NCOR1: variants seen among roughly 807,000 people sequenced by gnomAD.
NCOR1 encodes the protein protein phosphatase 1, regulatory subunit 109.
Under a neutral mutation model 288.1 loss-of-function variants are expected in NCOR1, and 63 were observed. That is an observed-to-expected ratio of 0.22 (90% confidence interval 0.18 to 0.27). The LOEUF (loss-of-function observed/expected upper bound fraction) is 0.27. Ranked by LOEUF, NCOR1 falls within the 10% of genes least tolerant of loss-of-function variation. The pLI, the probability that NCOR1 is intolerant of heterozygous loss-of-function variation, is 1.00. For synonymous variants in NCOR1, 1,007 were observed against 1,065.9 expected, an observed-to-expected ratio of 0.94 and a Z score of 1.08; for missense variants, 2,397 against 3,019.2, an observed-to-expected ratio of 0.79 and a Z score of 4.83.
chr17:16,195,407 G>C (rs950360339), intron 1 of NCOR1, among the ~76,000 whole-genome samples: 17 of 152,172 alleles, frequency 1.1e-4, no homozygotes, highest in African/African-American at 3.9e-4. Flanking sequence ...GAAGGCGGAG[G>C]TTGCAGTGAG....
rs771119636 is a variant in NCOR1, at chr17:16,073,555, G to A, written c.3685C>T (p.Arg1229Ter). The A allele has an allele frequency of 1.2e-6, 2 of 1,605,592 alleles. No individual in the cohort carries two copies. The highest frequency in any genetic ancestry group is 1.7e-6 in the Non-Finnish European group (2 of 1,176,250). The part of the protein sequence containing the change: ...ILSYDNIKNA[R>*]EGTRSPRTAH... ...GTTCTTGGACTCCTAGTCCCTTCTCGGGCATTCTTAATATCTACAGAATAC... is the reference window on the plus strand; with the variant it reads ...GTTCTTGGACTCCTAGTCCCTTCTCAGGCATTCTTAATATCTACAGAATAC... The change falls in exon 28 of 46, where the codon CGA becomes TGA. Residue 1229 changes from arginine to a stop codon, truncating the protein, a stop_gained. Coordinates refer to ENST00000268712, the MANE Select transcript of NCOR1 (RefSeq NM_006311.4). LOFTEE classifies it high-confidence loss of function.
chr17:16,082,651 T>C (rs1428641446), intron 23 of NCOR1, among the ~76,000 whole-genome samples: 2 of 151,562 alleles, frequency 1.3e-5, no homozygotes, highest in East Asian at 1.9e-4. Context: ...CCCAGGAGAC[T>C]GATGCTACAG....
chr17:16,067,896 G>A lies in NCOR1; in HGVS notation c.4739C>T (p.Pro1580Leu). The part of the protein sequence containing the change: ...PAMPFHRALD[P>L]AAAAYLFQRQ... ...TTATCACTATATTTTGTGTTTACCA[G>A]GATCCAAAGCCCTGTGAAAAGGCAT... The change falls in exon 32 of 46, where the codon CCT (proline) becomes CTT (leucine). Residue 1580 changes from proline (P) to leucine (L), a missense_variant and splice_region_variant. Pro to Leu is a moderately conservative substitution (Grantham distance 98). Coordinates refer to ENST00000268712, the MANE Select transcript of NCOR1 (RefSeq NM_006311.4). The A allele has an allele frequency of 6.2e-7, 1 of 1,609,070 alleles. No individual in the cohort carries two copies.
At position 16,033,336 on chromosome 17, in the gene NCOR1, CAAAA is replaced by C. The variant is rs59285422; in HGVS notation, c.7136-857_7136-854del. On this transcript the variant is annotated intron_variant, in intron 45 of 45. Transcript: ENST00000268712. ...GGCAACAAGAACGAAACTCCGTCTC[CAAAA>C]AAAAAAAAAAAAAAACCCAAAAACA... Among the ~76,000 whole-genome samples, 131 of 57,454 alleles carry C rather than the reference CAAAA, an allele frequency of 2.3e-3. 1 individual carries two copies. Among genetic ancestry groups the C allele is most frequent in the Middle Eastern group, 8.5e-3 (1 of 118 alleles). The allele number at this position is 57,454 out of a possible 152,430, so 37.7% of individuals were successfully genotyped here. A position where few individuals can be genotyped will look rare whatever the true frequency, so the allele number is the denominator to read the frequency against.
intron 18 of NCOR1, among the ~76,000 whole-genome samples, chr17:16,115,669 C>T (rs990211974): frequency 1.2e-4 from 19 of 152,200 alleles, no homozygotes; most frequent in Admixed American, 6.5e-5. Flanking sequence ...CACCTTTGCT[C>T]CAATTCCCAA....
At position 16,031,185 on chromosome 17, in the gene NCOR1, A is replaced by AGC. The variant is rs1293894745; in HGVS notation, c.*1109_*1110dup. On this transcript the variant is annotated 3_prime_UTR_variant, in exon 46 of 46. Transcript: ENST00000268712. ...TAACAGTAAACTCTTGTCCCAAGGG[A>AGC]GCAAAGTGAGAGTAAATGCTGGTCC... The AGC allele has an allele frequency of 4.0e-5, 8 of 199,258 alleles. No homozygotes were observed. Among genetic ancestry groups the AGC allele is most frequent in the Non-Finnish European group, 8.3e-5 (8 of 96,480 alleles). 12.3% of individuals were successfully genotyped at this position (199,258 alleles called of 1,614,324 possible).
chr17:16,132,400 T>C lies in NCOR1; in HGVS notation c.1509+4911A>G, dbSNP rs1052688813. The stretch of plus-strand genomic sequence containing the variant: ...ACTCTTACTGCTAGCAAGAACAATG[T>C]ACATAGAATCAAACTATTACGTAGG... On this transcript the variant is annotated intron_variant, in intron 14 of 45. Coordinates refer to ENST00000268712, the MANE Select transcript of NCOR1 (RefSeq NM_006311.4). Among the ~76,000 whole-genome samples, 3 of 152,324 alleles carry C rather than the reference T, an allele frequency of 2.0e-5. No homozygotes were observed. In the East Asian group the frequency reaches 5.8e-4, roughly 29 times the overall value.
chr17:16,147,498 A>G (rs1402822207), intron 9 of NCOR1, among the ~76,000 whole-genome samples: 7 of 152,248 alleles, frequency 4.6e-5, no homozygotes, highest in Admixed American at 4.6e-4. Flanking sequence ...TTCTAAATAG[A>G]GAAGAAAAGA....
chr17:16,032,180 T>G lies in NCOR1; in HGVS notation c.*116A>C, dbSNP rs1012066175. On this transcript the variant is annotated 3_prime_UTR_variant, in exon 46 of 46. Transcript: ENST00000268712. The stretch of plus-strand genomic sequence containing the variant: ...TTCATCATCTGTGGGCTGGCTCTCC[T>G]GAAAAGTCTCAGGGAATAAGTCACA... 21 of 1,053,690 alleles carry G rather than the reference T, an allele frequency of 2.0e-5. No homozygotes were observed. Among genetic ancestry groups the G allele is most frequent in the Non-Finnish European group, 2.5e-5 (19 of 762,898 alleles). The allele number at this position is 1,053,690 out of a possible 1,614,324, so 65.3% of individuals were successfully genotyped here. A position where few individuals can be genotyped will look rare whatever the true frequency, so the allele number is the denominator to read the frequency against.
In NCOR1 at chr17:16,031,772, C is replaced by T. The variant is rs1320038745; in HGVS notation, c.*524G>A. On this transcript the variant is annotated 3_prime_UTR_variant, in exon 46 of 46. Coordinates refer to ENST00000268712, the MANE Select transcript of NCOR1 (RefSeq NM_006311.4). Reference sequence around the variant, plus strand: ...AAGCTGAATTTAGAGGAAACAATATCAGATAAAAGTACAATGCCCGTGACA... The same window carrying T: ...AAGCTGAATTTAGAGGAAACAATATTAGATAAAAGTACAATGCCCGTGACA... 1.3e-5 allele frequency: 3 copies of T among 230,390 alleles called. No homozygotes were observed. The highest frequency in any genetic ancestry group is 2.6e-5 in the Non-Finnish European group (3 of 116,408). The allele number at this position is 230,390 out of a possible 1,614,324, so 14.3% of individuals were successfully genotyped here.
At chr17:16,132,181 G>A (rs892851958) in intron 14 of NCOR1, among the ~76,000 whole-genome samples, 2 of 152,170 alleles carry the variant, frequency 1.3e-5, no homozygotes, top group Admixed American at 6.5e-5. Flanking sequence ...AGGGGAAAAT[G>A]GTGTTAGCAT....
At chr17:16,144,708 GCTCTCC>G (rs2077605888) in intron 10 of NCOR1, among the ~76,000 whole-genome samples, 1 of 151,858 alleles carries the variant, frequency 6.6e-6, no homozygotes, top group African/African-American at 2.4e-5. Flanking sequence ...AGAAACAATA[GCTCTCC>G]CTCTCCCTCT....
At chr17:16,194,664 A>G in intron 1 of NCOR1, 25 bp from the exon 2 acceptor site, 1 of 686,192 alleles carries the variant, frequency 1.5e-6, no homozygotes. Context: ...AAAAAAACAG[A>G]ATTAGTAAGA....
At chr17:16,108,934 T>C in intron 18 of NCOR1, 22 bp from the exon 19 acceptor site, 4 of 1,532,260 alleles carry the variant, frequency 2.6e-6, no homozygotes, top group Non-Finnish European at 3.5e-6. Flanking sequence ...AAGAGTATTA[T>C]TTGATTTAAA....
At chr17:16,193,022 AG>A (rs1342293020) in intron 2 of NCOR1, among the ~76,000 whole-genome samples, 8 of 152,158 alleles carry the variant, frequency 5.3e-5, no homozygotes, top group Non-Finnish European at 1.0e-4. Context: ...TGAGGTTAGT[AG>A]GAAGTCGGGG....
At chr17:16,144,076 A>G (rs2153316613) in intron 10 of NCOR1, among the ~76,000 whole-genome samples, 1 of 152,342 alleles carries the variant, frequency 6.6e-6, no homozygotes, top group Middle Eastern at 3.4e-3. Context: ...ATCCCTTACA[A>G]AAATTTAATT....
At chr17:16,138,263 C>CT in intron 12 of NCOR1, 51 bp from the exon 13 acceptor site, 1 of 1,406,658 alleles carries the variant, frequency 7.1e-7, no homozygotes, top group Non-Finnish European at 9.8e-7. Flanking sequence ...ATTTCAACAA[C>CT]TAAAAAAAAA....
At chr17:16,121,010 G>A (rs1018560935) in intron 16 of NCOR1, 42 bp downstream of exon 16, 5 of 1,558,950 alleles carry the variant, frequency 3.2e-6, no homozygotes, top group Admixed American at 3.5e-5. Flanking sequence ...ACAGAATCCC[G>A]AACAAAATTA....
intron 11 of NCOR1, among the ~76,000 whole-genome samples, chr17:16,141,733 C>T (rs1468225945): frequency 1.3e-5 from 2 of 152,098 alleles, no homozygotes; most frequent in Non-Finnish European, 2.9e-5. Flanking sequence ...GTTTAATTTA[C>T]CATTGTATTC....
Sources: allele counts gnomAD v4.1 joint callset (sites outside exome capture counted in the v4.1 genomes callset), GRCh38; gene constraint gnomAD v4.1.1; transcripts MANE v1.5; gene names NCBI Gene and HGNC (gene_info 2026-07-23, HGNC 2026-07-21).